BTN3A3: variants seen among roughly 807,000 people sequenced by gnomAD.
BTN3A3 encodes butyrophilin subfamily 3 member A3.
BTN3A3 carries 39 observed loss-of-function variants against 43.2 expected under a neutral mutation model. The observed-to-expected ratio is 0.90, with a 90% CI of 0.70 to 1.18. BTN3A3 has a LOEUF of 1.18. Among genes scored for constraint, BTN3A3 ranks in the 50% most tolerant of loss-of-function variants. BTN3A3 has a pLI of 0.00. For synonymous variants in BTN3A3, 255 were observed against 272.7 expected (o/e 0.93, Z 0.64); for missense variants, 631 against 722.8 (o/e 0.87, Z 1.46).
chr6:26,449,121 A>T (rs545436554), intron 8 of BTN3A3: 1 of 263,670 alleles, frequency 3.8e-6, no homozygotes, highest in African/African-American at 2.2e-5. Flanking sequence ...AATCTAGAGG[A>T]TGTTGAAAGG....
In BTN3A3 at chr6:26,448,227, C is replaced by A. The variant is rs972613746; in HGVS notation, c.716-21C>A. 5 of 1,611,152 alleles carry A rather than the reference C, an allele frequency of 3.1e-6. No individual in the cohort carries two copies. The African/African-American group carries it at 5.4e-5, about 17-fold the overall frequency. On this transcript the variant is annotated intron_variant, in intron 5 of 10. Transcript: ENST00000244519. ...GGCTGAGTGCACTAGCTCCCATGAC[C>A]CACAGCTCTCCCCTTCGCAGACCCC...
At position 26,453,331 on chromosome 6, in the gene BTN3A3, C is replaced by T. The variant is rs887389502; in HGVS notation, c.*920C>T. On this transcript the variant is annotated 3_prime_UTR_variant, in exon 11 of 11. Transcript: ENST00000244519. ...GGAAAACTGCTCCTCATTATCATCA[C>T]TATTATTGCTCACCACTGTATCCCC... 12 of 152,292 alleles carry T rather than the reference C, an allele frequency of 7.9e-5. No individual in the cohort carries two copies. Among genetic ancestry groups the T allele is most frequent in the East Asian group, 1.9e-4 (1 of 5,180 alleles). 9.4% of individuals were successfully genotyped at this position (152,292 alleles called of 1,614,324 possible).
rs139840113 is a variant in BTN3A3 at position 26,442,640 on chromosome 6, T to C, written c.-66-742T>C. On this transcript the variant is annotated intron_variant, in intron 1 of 10. Coordinates refer to ENST00000244519, the MANE Select transcript of BTN3A3 (RefSeq NM_006994.5). ...CGTAGTTCCTCTAAACAGTCTCCTG[T>C]TGGGTGGCTGGTTCAGTCGGTTACC... Among the ~76,000 whole-genome samples the C allele has an allele frequency of 3.0e-4, 45 of 152,326 alleles. No homozygotes were observed. In the East Asian group the frequency reaches 7.7e-3, roughly 26 times the overall value.
rs781432966 is a variant in BTN3A3, at chr6:26,452,086, C to T, written c.1430C>T (p.Ala477Val). 1 of 1,613,936 alleles carries T rather than the reference C, an allele frequency of 6.2e-7. No individual in the cohort carries two copies. The highest frequency in any genetic ancestry group is 8.5e-7 in the Non-Finnish European group (1 of 1,179,960). The change falls in exon 11 of 11, where the codon GCC becomes GTC. Residue 477 changes from alanine to valine, a missense_variant. Physicochemically the swap from Ala to Val is moderately conservative, Grantham distance 64. Transcript: ENST00000244519. ...YETGEISFYNATDGSHIYTFP... is the reference protein window; with the variant it reads ...YETGEISFYNVTDGSHIYTFP... ...ACTGGAGAGATCTCGTTCTATAATG[C>T]CACAGATGGATCTCATATCTACACC...
chr6:26,448,163 G>C, intron 5 of BTN3A3, 85 bp from the exon 6 acceptor site: 1 of 1,474,626 alleles, frequency 6.8e-7, no homozygotes, highest in South Asian at 1.3e-5. Flanking sequence ...CCCCCAACCT[G>C]GGCTGAGCAG....
chr6:26,452,479 G>GT lies in BTN3A3; in HGVS notation c.*68_*69insT. 7.3e-7 allele frequency: 1 copy of GT among 1,361,502 alleles called. No individual in the cohort carries two copies. Among genetic ancestry groups the GT allele is most frequent in the Non-Finnish European group, 9.8e-7 (1 of 1,022,214 alleles). 84.3% of individuals were successfully genotyped at this position (1,361,502 alleles called of 1,614,324 possible). A position where few individuals can be genotyped will look rare whatever the true frequency, so the allele number is the denominator to read the frequency against. On this transcript the variant is annotated 3_prime_UTR_variant, in exon 11 of 11. Coordinates refer to ENST00000244519, the MANE Select transcript of BTN3A3 (RefSeq NM_006994.5). ...TACCACCTTATTGTCCCCTTATACA[G>GT]ATAAGGAAACTGGGGTGCAGAAAGG...
chr6:26,450,901 G>A (rs572784154), intron 10 of BTN3A3, among the ~76,000 whole-genome samples: 1 of 152,202 alleles, frequency 6.6e-6, no homozygotes, highest in Non-Finnish European at 1.5e-5. Context: ...CTGGCAGGGA[G>A]GAAGCAGGAG....
chr6:26,444,076 A>T lies in BTN3A3; in HGVS notation c.205A>T (p.Ser69Cys). The T allele has an allele frequency of 6.2e-7, 1 of 1,613,988 alleles. No homozygotes were observed. The highest frequency in any genetic ancestry group is 1.7e-4 in the Middle Eastern group (1 of 6,054). The stretch of plus-strand genomic sequence containing the variant: ...AGAGACCATGGAGCTGAGGTGGGTG[A>T]GTTCCAGCCTAAGGCAGGTGGTGAA... ...SAETMELRWV[S>C]SSLRQVVNVY... is the part of the protein sequence containing the mutation. The change falls in exon 4 of 11, where the codon AGT (serine) becomes TGT (cysteine). Residue 69 changes from serine (S) to cysteine (C), a missense_variant. By Grantham distance (112) the Ser-to-Cys change is moderately radical. Transcript: ENST00000244519.
intron 7 of BTN3A3, 28 bp downstream of exon 7, chr6:26,448,665 G>A: frequency 1.9e-6 from 3 of 1,613,930 alleles, no homozygotes; most frequent in Non-Finnish European, 2.5e-6. Context: ...AGGAGACCCA[G>A]GCATGTCTTC....
At chr6:26,448,873 T>C in intron 8 of BTN3A3, 119 bp downstream of exon 8, 2 of 1,222,926 alleles carry the variant, frequency 1.6e-6, no homozygotes, top group Non-Finnish European at 2.4e-6. Context: ...TAGATCCCTT[T>C]ACTCAGGAAA....
chr6:26,449,812 T>C, intron 9 of BTN3A3, 124 bp downstream of exon 9: 1 of 1,277,558 alleles, frequency 7.8e-7, no homozygotes, highest in Middle Eastern at 1.9e-4. Context: ...TAGACTCAAT[T>C]TTGCATGGTA....
rs746103647 is a variant in BTN3A3, at chr6:26,448,645, C to T, written c.937+8C>T. 6.2e-7 allele frequency: 1 copy of T among 1,613,932 alleles called. No individual in the cohort carries two copies. The highest frequency in any genetic ancestry group is 8.5e-7 in the Non-Finnish European group (1 of 1,179,950). On this transcript the variant is annotated splice_region_variant and intron_variant, in intron 7 of 10. Transcript: ENST00000244519. ...AGCTCCAGGAGGAACTCAGTAAGTT[C>T]CCATTCCCCAGGAGACCCAGGCATG...
chr6:26,445,928 T>C lies in BTN3A3; in HGVS notation c.658T>C (p.Cys220Arg), dbSNP rs1435035542. ...MRGSSGGGVSCIIRNSLLGLE... is the reference protein window; with the variant it reads ...MRGSSGGGVSRIIRNSLLGLE... The stretch of plus-strand genomic sequence containing the variant: ...AGGCAGCTCTGGTGGGGGTGTATCC[T>C]GCATCATCAGAAATTCCCTCCTCGG... Residue 220 changes from cysteine (C) to arginine (R), a missense_variant, in exon 5 of 11, where the codon TGC becomes CGC. Coordinates refer to ENST00000244519, the MANE Select transcript of BTN3A3 (RefSeq NM_006994.5). The C allele has an allele frequency of 6.2e-7, 1 of 1,614,200 alleles. No homozygotes were observed.
Position 26,443,448 on chromosome 6 carries a change from A to T in BTN3A3, c.-6+6A>T, listed in dbSNP as rs1762691965. On this transcript the variant is annotated splice_donor_region_variant and intron_variant, in intron 2 of 10. Coordinates refer to ENST00000244519, the MANE Select transcript of BTN3A3 (RefSeq NM_006994.5). ...GACAGACATTTTTGGCAGAGGTAAG[A>T]TCTTCTTTGGTCACCATACTTGAGT... 3 of 1,516,586 alleles carry T rather than the reference A, an allele frequency of 2.0e-6. No homozygotes were observed. The highest frequency in any genetic ancestry group is 2.7e-6 in the Non-Finnish European group (3 of 1,131,434). 93.9% of individuals were successfully genotyped at this position (1,516,586 alleles called of 1,614,324 possible).
rs1421578931 is a variant in BTN3A3, at chr6:26,452,975, G to C, written c.*564G>C. The C allele has an allele frequency of 6.5e-6, 1 of 154,224 alleles. No homozygotes were observed. Among genetic ancestry groups the C allele is most frequent in the Non-Finnish European group, 1.4e-5 (1 of 69,348 alleles). The allele number at this position is 154,224 out of a possible 1,614,324, so 9.6% of individuals were successfully genotyped here. On this transcript the variant is annotated 3_prime_UTR_variant, in exon 11 of 11. Coordinates refer to ENST00000244519, the MANE Select transcript of BTN3A3 (RefSeq NM_006994.5). Reference sequence around the variant, plus strand: ...TAGCTCTGCAGAGTGTCTTGGTTGAGAGAATAACCTCATAGTACCAACATG... The same window carrying C: ...TAGCTCTGCAGAGTGTCTTGGTTGACAGAATAACCTCATAGTACCAACATG...
chr6:26,445,083 T>C (rs1762740198), intron 4 of BTN3A3: 2 of 159,528 alleles, frequency 1.3e-5, no homozygotes, highest in Admixed American at 1.1e-4. Flanking sequence ...ACAATGTTCA[T>C]GTTTTTCTCT....
intron 1 of BTN3A3, among the ~76,000 whole-genome samples, chr6:26,442,119 C>G (rs1427918401): frequency 6.6e-6 from 1 of 152,140 alleles, no homozygotes; most frequent in Admixed American, 6.5e-5. Context: ...CTCTTCATCC[C>G]TCCCCACCTC....
intron 1 of BTN3A3, 160 bp downstream of exon 1, chr6:26,440,808 GTGTGT>G (rs1762606761): frequency 7.5e-6 from 1 of 134,062 alleles, no homozygotes; most frequent in African/African-American, 2.8e-5. Flanking sequence ...GTGTGTGTGT[GTGTGT>G]GTGCGTGTGT....
chr6:26,441,955 C>G (rs1762647286), intron 1 of BTN3A3, among the ~76,000 whole-genome samples: 1 of 152,092 alleles, frequency 6.6e-6, no homozygotes, highest in Non-Finnish European at 1.5e-5. Context: ...AACTTTGAAA[C>G]CAGTGATAAT....
Sources: allele counts gnomAD v4.1 joint callset (sites outside exome capture counted in the v4.1 genomes callset), GRCh38; gene constraint gnomAD v4.1.1; transcripts MANE v1.5; gene names NCBI Gene and HGNC (gene_info 2026-07-23, HGNC 2026-07-21).